The following TRAP1 variants were observed in gnomAD, a reference collection of about 807,000 sequenced individuals.
TRAP1 encodes heat shock protein 75 kDa, mitochondrial.
TRAP1 carries 102 observed loss-of-function variants against 89.1 expected under a neutral mutation model. The ratio of observed to expected loss-of-function variants is 1.15; its 90% CI spans 0.98 to 1.35. TRAP1 has a LOEUF of 1.35. Among genes scored for constraint, TRAP1 ranks in the 40% most tolerant of loss-of-function variants. The pLI, the probability that TRAP1 is intolerant of heterozygous loss-of-function variation, is 0.00. For missense variants in TRAP1, 1,256 were observed against 945.3 expected (o/e 1.33, Z -4.31); for synonymous variants, 508 against 388.0 (o/e 1.31, Z -3.64).
chr16:3,690,833 C>A lies in TRAP1; in HGVS notation c.241G>T (p.Val81Leu). 3 of 1,486,464 alleles carry A rather than the reference C, an allele frequency of 2.0e-6. No homozygotes were observed. Among genetic ancestry groups the A allele is most frequent in the Non-Finnish European group, 2.7e-6 (3 of 1,113,312 alleles). 92.1% of individuals were successfully genotyped at this position (1,486,464 alleles called of 1,614,324 possible). ...LHSIISSTESVQGSTSKHEFQ... is the reference protein window; with the variant it reads ...LHSIISSTESLQGSTSKHEFQ... ...AAGCACGAGCCAAGGCTACCCTGCA[C>A]GCTCTCTGTGCTGCTGATAATCGAG... The change falls in exon 2 of 18, where the codon GTG becomes TTG. Residue 81 changes from valine to leucine, a missense_variant. By Grantham distance (32) the Val-to-Leu change is conservative (BLOSUM62 1). Coordinates refer to ENST00000246957, the MANE Select transcript of TRAP1 (RefSeq NM_016292.3).
At chr16:3,704,323 G>C (rs145926973) in intron 1 of TRAP1, 1 of 152,190 alleles carries the variant, frequency 6.6e-6, no homozygotes, top group African/African-American at 2.4e-5. Flanking sequence ...GAGCCTAGGC[G>C]ACAGCACGAC....
At chr16:3,686,304 C>A (rs2051137967) in intron 3 of TRAP1, among the ~76,000 whole-genome samples, 168 bp from the exon 4 acceptor site, 1 of 152,200 alleles carries the variant, frequency 6.6e-6, no homozygotes, top group Non-Finnish European at 1.5e-5. Flanking sequence ...GGGCCGGTCA[C>A]AAAGTGACTG....
At chr16:3,713,833 G>T (rs1409213897) in intron 1 of TRAP1, among the ~76,000 whole-genome samples, 1 of 152,206 alleles carries the variant, frequency 6.6e-6, no homozygotes, top group Non-Finnish European at 1.5e-5. Flanking sequence ...GAGCTCTGAC[G>T]AAAAGCTCTC....
chr16:3,673,414 C>T (rs1217131094), intron 9 of TRAP1, among the ~76,000 whole-genome samples: 2 of 152,230 alleles, frequency 1.3e-5, no homozygotes, highest in East Asian at 1.9e-4. Context: ...CCTCGTGGAA[C>T]GTGCCTGCCA....
intron 1 of TRAP1, among the ~76,000 whole-genome samples, chr16:3,714,961 C>G (rs1019309276): frequency 1.3e-5 from 2 of 152,176 alleles, no homozygotes; most frequent in African/African-American, 4.8e-5. Context: ...GCTAAATTCT[C>G]TCATCGTTCA....
intron 12 of TRAP1, chr16:3,664,872 G>A (rs1462042079): frequency 5.7e-6 from 1 of 176,804 alleles, no homozygotes; most frequent in African/African-American, 2.4e-5. Context: ...CTATGGCAGA[G>A]ACTGGCTTTG....
intron 5 of TRAP1, 75 bp downstream of exon 5, chr16:3,679,644 C>A: frequency 6.6e-7 from 1 of 1,510,432 alleles, no homozygotes; most frequent in Non-Finnish European, 9.2e-7. Context: ...AATCTGGCAC[C>A]CAGGGCCACC....
At chr16:3,662,174 A>G in intron 15 of TRAP1, 42 bp from the exon 16 acceptor site, 6 of 1,585,902 alleles carry the variant, frequency 3.8e-6, no homozygotes, top group South Asian at 1.1e-5. Context: ...GAGGTTCCCA[A>G]TGTGAGAGGG....
At position 3,705,071 on chromosome 16, in the gene TRAP1, A is replaced by AT. The variant is rs906285584; in HGVS notation, c.88+12349dup. On this transcript the variant is annotated intron_variant, in intron 1 of 17. Coordinates refer to ENST00000246957, the MANE Select transcript of TRAP1 (RefSeq NM_016292.3). ...CAGCCACGACCACTAACCACAGAAC[A>AT]TTTTTTTTTTTGAGACGGAGTCTCG... 9.9e-3 allele frequency among the ~76,000 whole-genome samples: 1,470 copies of AT among 148,090 alleles called. 7 individuals carry two copies. Among genetic ancestry groups the AT allele is most frequent in the Middle Eastern group, 0.029 (8 of 278 alleles).
rs540680238 is a variant in TRAP1, at chr16:3,662,976, G to A, written c.1709-9C>T. 1.9e-6 allele frequency: 3 copies of A among 1,601,350 alleles called. No homozygotes were observed. Among genetic ancestry groups the A allele is most frequent in the African/African-American group, 1.3e-5 (1 of 74,768 alleles). ...TGATAGGCACTCGGCGGCTGCGGAA[G>A]AGCAGGCGACAGGGAGCTCAGGCCT... On this transcript the variant is annotated splice_polypyrimidine_tract_variant and intron_variant, in intron 14 of 17. Transcript: ENST00000246957.
intron 1 of TRAP1, among the ~76,000 whole-genome samples, chr16:3,698,144 T>C (rs2051315301): frequency 6.6e-6 from 1 of 151,778 alleles, no homozygotes; most frequent in African/African-American, 2.4e-5. Context: ...TAATATTCAT[T>C]ATGGGAGGAG....
chr16:3,715,537 C>A (rs1294859497), intron 1 of TRAP1, among the ~76,000 whole-genome samples: 4 of 152,108 alleles, frequency 2.6e-5, no homozygotes, highest in Admixed American at 6.6e-5. Context: ...GTGCATGATA[C>A]AAAGCATGAA....
At chr16:3,675,277 G>GATTTGTCTCC (rs1231912189) in intron 8 of TRAP1, 47 bp downstream of exon 8, 1 of 1,586,144 alleles carries the variant, frequency 6.3e-7, no homozygotes, top group Non-Finnish European at 8.7e-7. Context: ...GAAACGTACA[G>GATTTGTCTCC]ATTTGTCTCC....
At chr16:3,672,976 C>T (rs550630855) in intron 9 of TRAP1, among the ~76,000 whole-genome samples, 156 bp from the exon 10 acceptor site, 5 of 152,262 alleles carry the variant, frequency 3.3e-5, no homozygotes, top group Non-Finnish European at 5.9e-5. Flanking sequence ...AGGGGCCCCA[C>T]GATGCCCCAC....
At chr16:3,699,552 C>T (rs554662465) in intron 1 of TRAP1, among the ~76,000 whole-genome samples, 9 of 143,770 alleles carry the variant, frequency 6.3e-5, no homozygotes, top group East Asian at 4.1e-4. Context: ...CTTGAACCCA[C>T]GAGGCAGAGG....
chr16:3,697,977 TTGTTTTTC>T (rs974276804), intron 1 of TRAP1, among the ~76,000 whole-genome samples: 3 of 150,412 alleles, frequency 2.0e-5, no homozygotes, highest in Admixed American at 6.6e-5. Flanking sequence ...TTTTGTTTTT[TTGTTTTTC>T]TTTTTTAAGT....
At chr16:3,713,318 C>T (rs1214929977) in intron 1 of TRAP1, among the ~76,000 whole-genome samples, 1 of 152,146 alleles carries the variant, frequency 6.6e-6, no homozygotes, top group Non-Finnish European at 1.5e-5. Context: ...AAGGGGAGGG[C>T]GCAGCAGGCA....
At chr16:3,658,309 C>A in intron 17 of TRAP1, 79 bp from the exon 18 acceptor site, 1 of 1,193,786 alleles carries the variant, frequency 8.4e-7, no homozygotes, top group Non-Finnish European at 1.2e-6. Context: ...CAGAGTCTCA[C>A]TGTTGCCGAG....
chr16:3,658,460 G>A, intron 17 of TRAP1: 1 of 583,100 alleles, frequency 1.7e-6, no homozygotes, highest in Non-Finnish European at 3.0e-6. Flanking sequence ...GGGCACGGTG[G>A]CTCACGAGGT....
Sources: gnomAD v4.1 joint callset for allele counts (sites outside exome capture counted in the v4.1 genomes callset) on GRCh38, gnomAD v4.1.1 for gene constraint, MANE v1.5 for transcripts, NCBI Gene and HGNC (gene_info 2026-07-23, HGNC 2026-07-21) for gene names.